The following ATG4C variants were observed in gnomAD, a reference collection of about 807,000 sequenced individuals.
ATG4C encodes the protein autophagy related 4C cysteine peptidase.
In ATG4C, 56 loss-of-function variants were observed where a neutral mutation model predicts 57.6. The ratio of observed to expected loss-of-function variants is 0.97; its 90% confidence interval spans 0.78 to 1.21. ATG4C has a LOEUF of 1.21. Ranked by LOEUF, ATG4C falls within the 50% of genes most tolerant of loss-of-function variation. The pLI is 0.00. For synonymous variants in ATG4C, 157 were observed against 174.1 expected, an observed-to-expected ratio of 0.90 and a Z score of 0.78; for missense variants, 595 against 529.8, an observed-to-expected ratio of 1.12 and a Z score of -1.21.
chr1:62,800,946 A>G (rs1664636758), intron 1 of ATG4C, among the ~76,000 whole-genome samples: 3 of 152,178 alleles, frequency 2.0e-5, no homozygotes, highest in Admixed American at 2.0e-4. Context: ...GTGAAACCAA[A>G]GCTGGGTTTC....
At chr1:62,857,718 A>G (rs919081070) in intron 10 of ATG4C, among the ~76,000 whole-genome samples, 3 of 152,076 alleles carry the variant, frequency 2.0e-5, no homozygotes, top group Non-Finnish European at 4.4e-5. Context: ...TCCTTAGCAC[A>G]TGAGCCGGTT....
intron 2 of ATG4C, 135 bp from the exon 3 acceptor site, chr1:62,805,037 A>C (rs1319619374): frequency 1.5e-6 from 2 of 1,322,642 alleles, no homozygotes; most frequent in Non-Finnish European, 1.9e-6. Context: ...TGTATTTTGC[A>C]ACTGTTGCCA....
At chr1:62,790,544 T>G (rs1664242115) in intron 1 of ATG4C, among the ~76,000 whole-genome samples, 1 of 152,200 alleles carries the variant, frequency 6.6e-6, no homozygotes, top group Admixed American at 6.5e-5. Flanking sequence ...TTTGAATTAT[T>G]TTTTCTGTGT....
intron 1 of ATG4C, among the ~76,000 whole-genome samples, chr1:62,794,089 T>C (rs1664383539): frequency 6.6e-6 from 1 of 152,262 alleles, no homozygotes; most frequent in Non-Finnish European, 1.5e-5. Context: ...CTTAAGGCTA[T>C]CTTAAAACAG....
intron 5 of ATG4C, 26 bp from the exon 6 acceptor site, chr1:62,821,113 A>G: frequency 6.5e-7 from 1 of 1,548,110 alleles, no homozygotes; most frequent in Non-Finnish European, 8.7e-7. Context: ...TAGGATTTTG[A>G]AAGATAATGC....
At chr1:62,859,949 A>G (rs1666800419) in intron 10 of ATG4C, among the ~76,000 whole-genome samples, 1 of 152,100 alleles carries the variant, frequency 6.6e-6, no homozygotes, top group Admixed American at 6.5e-5. Flanking sequence ...TAGCTTTTTG[A>G]CTGTTTTATA....
intron 3 of ATG4C, among the ~76,000 whole-genome samples, chr1:62,812,481 A>T (rs1665120632): frequency 1.3e-5 from 2 of 152,184 alleles, no homozygotes; most frequent in South Asian, 4.1e-4. Context: ...TCAAAATAAT[A>T]AGAGCTATTT....
At chr1:62,813,910 G>T (rs1312650778) in intron 3 of ATG4C, among the ~76,000 whole-genome samples, 1 of 152,196 alleles carries the variant, frequency 6.6e-6, no homozygotes, top group Non-Finnish European at 1.5e-5. Context: ...TCTCACGCCA[G>T]TTAGAATGGT....
intron 1 of ATG4C, among the ~76,000 whole-genome samples, chr1:62,793,462 AAGT>A (rs967280728): frequency 1.3e-5 from 2 of 151,624 alleles, no homozygotes; most frequent in East Asian, 2.0e-4. Context: ...GAATAGAAAA[AAGT>A]AGCCAGGTGT....
intron 10 of ATG4C, among the ~76,000 whole-genome samples, chr1:62,858,398 C>T (rs186234825): frequency 1.6e-4 from 24 of 152,240 alleles, no homozygotes; most frequent in East Asian, 9.6e-4. Context: ...TGACCTTATA[C>T]GAGTCACCTA....
At position 62,847,838 on chromosome 1, in the gene ATG4C, G is replaced by A. The variant is rs539771196; in HGVS notation, c.1209+6291G>A. Reference sequence around the variant, plus strand: ...GGCAAATGGTCCGGGAGAGTTGAGAGTGGAAAACTTGAAGGTCAGATGAGT... The same window carrying A: ...GGCAAATGGTCCGGGAGAGTTGAGAATGGAAAACTTGAAGGTCAGATGAGT... On this transcript the variant is annotated intron_variant, in intron 10 of 10. Coordinates refer to ENST00000317868, the MANE Select transcript of ATG4C (RefSeq NM_032852.4). 1.1e-4 allele frequency among the ~76,000 whole-genome samples: 16 copies of A among 152,266 alleles called. No individual in the cohort carries two copies. The South Asian group carries it at 3.1e-3, about 30-fold the overall frequency.
intron 1 of ATG4C, among the ~76,000 whole-genome samples, chr1:62,798,415 T>C (rs1006891410): frequency 1.5e-4 from 23 of 152,210 alleles, no homozygotes; most frequent in Non-Finnish European, 2.9e-5. Context: ...TTATTCAGTG[T>C]TATCCTGTGC....
rs1398075255 is a variant in ATG4C at position 62,865,305 on chromosome 1, G to A, written c.*1146G>A. On this transcript the variant is annotated 3_prime_UTR_variant, in exon 11 of 11. Coordinates refer to ENST00000317868, the MANE Select transcript of ATG4C (RefSeq NM_032852.4). ...TTTTAAGTGGAGCTTTCATGTTTCA[G>A]TGTAGAAACGTGACTTATAAAGACA... The A allele has an allele frequency of 6.6e-6, 1 of 151,854 alleles. No homozygotes were observed. The highest frequency in any genetic ancestry group is 1.5e-5 in the Non-Finnish European group (1 of 67,816). 9.4% of individuals were successfully genotyped at this position (151,854 alleles called of 1,614,324 possible).
At chr1:62,808,242 C>T (rs1664944449) in intron 3 of ATG4C, among the ~76,000 whole-genome samples, 1 of 152,140 alleles carries the variant, frequency 6.6e-6, no homozygotes, top group South Asian at 2.1e-4. Flanking sequence ...TCAACAGCAT[C>T]TGGCAGATGA....
chr1:62,816,090 C>T (rs550165963), intron 3 of ATG4C, among the ~76,000 whole-genome samples: 13 of 152,122 alleles, frequency 8.5e-5, no homozygotes, highest in African/African-American at 3.1e-4. Context: ...ATGTCTTCTT[C>T]CAGCTTTTGT....
Position 62,829,055 on chromosome 1 carries a change from T to C in ATG4C, c.812T>C (p.Val271Ala), listed in dbSNP as rs543800771. ...AQDCTVYNSD[V>A]IDKQSASMTS... ...TTTTTCTCAGTTTACAATTCTGATG[T>C]AATTGATAAACAGAGTGCTTCCATG... The change falls in exon 7 of 11, where the codon GTA becomes GCA. Residue 271 changes from valine to alanine, a missense_variant. Transcript: ENST00000317868. 6.2e-7 allele frequency: 1 copy of C among 1,609,612 alleles called. No individual in the cohort carries two copies. The highest frequency in any genetic ancestry group is 1.3e-5 in the African/African-American group (1 of 74,884).
intron 3 of ATG4C, among the ~76,000 whole-genome samples, chr1:62,805,678 ATTTTC>A (rs1465577885): frequency 6.6e-6 from 1 of 151,996 alleles, no homozygotes; most frequent in African/African-American, 2.4e-5. Context: ...ATTTTCTTAT[ATTTTC>A]TTTTAATAAT....
intron 7 of ATG4C, among the ~76,000 whole-genome samples, chr1:62,832,916 A>G (rs1665886003): frequency 6.6e-6 from 1 of 152,190 alleles, no homozygotes; most frequent in Non-Finnish European, 1.5e-5. Flanking sequence ...TTACAATGGC[A>G]TGTGTTGTGA....
At chr1:62,861,194 A>T (rs1327513653) in intron 10 of ATG4C, among the ~76,000 whole-genome samples, 1 of 151,984 alleles carries the variant, frequency 6.6e-6, no homozygotes, top group Non-Finnish European at 1.5e-5. Flanking sequence ...GTTACCTTAA[A>T]TTTTTTTTAA....
Sources: gnomAD v4.1 joint callset for allele counts (sites outside exome capture counted in the v4.1 genomes callset) on GRCh38, gnomAD v4.1.1 for gene constraint, MANE v1.5 for transcripts, NCBI Gene and HGNC (gene_info 2026-07-23, HGNC 2026-07-21) for gene names.